Variants in GRID1 observed in about 807,000 individuals in gnomAD.
GRID1 encodes glutamate receptor ionotropic, delta-1.
Under a neutral mutation model 98.0 loss-of-function variants are expected in GRID1, and 28 were observed. The ratio of observed to expected loss-of-function variants is 0.29; its 90% CI spans 0.21 to 0.39. The LOEUF (loss-of-function observed/expected upper bound fraction) is 0.39. Ranked by LOEUF, GRID1 falls within the 10% of genes least tolerant of loss-of-function variation. GRID1 has a pLI of 1.00. For missense variants in GRID1, 1,111 were observed against 1,340.5 expected, an observed-to-expected ratio of 0.83 and a Z score of 2.67; for synonymous variants, 553 against 538.5, an observed-to-expected ratio of 1.03 and a Z score of -0.37.
rs937166042 is a variant in GRID1 at position 85,754,420 on chromosome 10, T to A, written c.1234-24806A>T. On this transcript the variant is annotated intron_variant, in intron 8 of 15. Transcript: ENST00000327946. The stretch of plus-strand genomic sequence containing the variant: ...GAATAAAAGAAAGTAATTAAAATCA[T>A]GAGTTACATATGAGAAAAAGGTTTG... 2.0e-5 allele frequency among the ~76,000 whole-genome samples: 3 copies of A among 152,124 alleles called. No homozygotes were observed. In the East Asian group the frequency reaches 5.8e-4, roughly 29 times the overall value.
rs781204118 is a variant in GRID1, at chr10:85,971,377, C to A, written c.727-55138G>T. 2.0e-5 allele frequency among the ~76,000 whole-genome samples: 3 copies of A among 151,900 alleles called. No individual in the cohort carries two copies. In the East Asian group the frequency reaches 5.8e-4, roughly 29 times the overall value. ...AATAACTGTTGCTCACCAAAAGACA[C>A]CAAATTTAGATAGTGAAAAAGATGA... On this transcript the variant is annotated intron_variant, in intron 4 of 15. Coordinates refer to ENST00000327946, the MANE Select transcript of GRID1 (RefSeq NM_017551.3).
At chr10:86,063,313 C>T (rs1158011164) in intron 4 of GRID1, among the ~76,000 whole-genome samples, 1 of 152,168 alleles carries the variant, frequency 6.6e-6, no homozygotes, top group African/African-American at 2.4e-5. Flanking sequence ...GAGAAACATA[C>T]GCCAGCCGCT....
intron 8 of GRID1, among the ~76,000 whole-genome samples, chr10:85,777,492 G>A (rs1209885033): frequency 2.0e-5 from 3 of 152,212 alleles, no homozygotes; most frequent in Non-Finnish European, 4.4e-5. Context: ...CCTGGGCACT[G>A]GGATTTTTAA....
intron 2 of GRID1, among the ~76,000 whole-genome samples, chr10:86,264,029 C>CA (rs1379573823): frequency 6.6e-6 from 1 of 152,206 alleles, no homozygotes; most frequent in Non-Finnish European, 1.5e-5. Flanking sequence ...CCAGGCTGCC[C>CA]ACCTGCCGGG....
intron 4 of GRID1, among the ~76,000 whole-genome samples, chr10:86,062,127 T>A (rs1843657431): frequency 6.6e-6 from 1 of 152,176 alleles, no homozygotes; most frequent in African/African-American, 2.4e-5. Flanking sequence ...AACATTCTGG[T>A]TAAATGAGGG....
rs181585019 is a variant in GRID1 at position 86,046,741 on chromosome 10, C to T, written c.726+92078G>A. On this transcript the variant is annotated intron_variant, in intron 4 of 15. Transcript: ENST00000327946. ...CTATCAAAAAAGGAAATACCAGTTGCTCATCTCTGGACAATTATCCCTACA... is the reference window on the plus strand; with the variant it reads ...CTATCAAAAAAGGAAATACCAGTTGTTCATCTCTGGACAATTATCCCTACA... Among the ~76,000 whole-genome samples the T allele has an allele frequency of 3.1e-3, 470 of 152,072 alleles. 2 individuals are homozygous for T. The highest frequency in any genetic ancestry group is 5.1e-3 in the Non-Finnish European group (346 of 68,000).
intron 4 of GRID1, among the ~76,000 whole-genome samples, chr10:85,999,923 A>C (rs914708009): frequency 6.6e-6 from 1 of 152,236 alleles, no homozygotes; most frequent in African/African-American, 2.4e-5. Flanking sequence ...AAAGGTAAAG[A>C]TGTTCACACT....
At chr10:85,646,998 C>A in intron 13 of GRID1, 1 of 606,654 alleles carries the variant, frequency 1.6e-6, no homozygotes, top group South Asian at 1.9e-5. Context: ...CCAGCCAGCA[C>A]CACTCTACAA....
rs553316652 is a variant in GRID1 at position 86,346,034 on chromosome 10, C to T, written c.235+17907G>A. Among the ~76,000 whole-genome samples the T allele has an allele frequency of 5.3e-5, 8 of 152,362 alleles. 1 individual carries two copies. The highest frequency in any genetic ancestry group is 1.2e-4 in the African/African-American group (5 of 41,586). On this transcript the variant is annotated intron_variant, in intron 2 of 15. Coordinates refer to ENST00000327946, the MANE Select transcript of GRID1 (RefSeq NM_017551.3). ...AACCCCAAGCCCAGGCTAGGTTAGG[C>T]ACCACCCCTGTGCTCCCACACCCCT...
intron 8 of GRID1, among the ~76,000 whole-genome samples, chr10:85,820,852 A>T (rs1407182494): frequency 6.6e-6 from 1 of 152,210 alleles, no homozygotes; most frequent in East Asian, 1.9e-4. Flanking sequence ...GGAAAACAGC[A>T]TGGACGTTTC....
At chr10:86,087,122 T>C (rs1035635060) in intron 4 of GRID1, among the ~76,000 whole-genome samples, 2 of 152,220 alleles carry the variant, frequency 1.3e-5, no homozygotes, top group African/African-American at 4.8e-5. Context: ...AATACAAGCT[T>C]CTGATTCCTT....
chr10:86,029,014 C>T (rs1357602946), intron 4 of GRID1, among the ~76,000 whole-genome samples: 1 of 152,178 alleles, frequency 6.6e-6, no homozygotes, highest in East Asian at 1.9e-4. Context: ...CCCTCTAATG[C>T]TATACTATGG....
At chr10:86,145,547 T>TACACACACACACATACACAC (rs1845076581) in intron 3 of GRID1, among the ~76,000 whole-genome samples, 1 of 145,632 alleles carries the variant, frequency 6.9e-6, no homozygotes, top group African/African-American at 2.6e-5. Context: ...ATCCTCCACA[T>TACACACACACACATACACAC]ACACACACAC....
chr10:86,042,585 C>A (rs367738133), intron 4 of GRID1, among the ~76,000 whole-genome samples: 3 of 152,152 alleles, frequency 2.0e-5, no homozygotes, highest in African/African-American at 7.2e-5. Flanking sequence ...TTGTAACACC[C>A]AAACTGTAGG....
intron 7 of GRID1, 83 bp from the exon 8 acceptor site, chr10:85,854,698 G>C: frequency 7.0e-7 from 1 of 1,428,794 alleles, no homozygotes; most frequent in Non-Finnish European, 9.8e-7. Flanking sequence ...GCAAGGAAGT[G>C]GTCACCAAGA....
At chr10:85,770,616 AGAGAAGT>A (rs964772929) in intron 8 of GRID1, among the ~76,000 whole-genome samples, 18 of 152,216 alleles carry the variant, frequency 1.2e-4, no homozygotes, top group African/African-American at 4.1e-4. Flanking sequence ...TAACCAATAC[AGAGAAGT>A]GCTTAAAGGA....
intron 12 of GRID1, among the ~76,000 whole-genome samples, chr10:85,681,630 C>G (rs7914866): frequency 6.6e-6 from 1 of 152,054 alleles, no homozygotes; most frequent in African/African-American, 2.4e-5. Context: ...AATCTTGCAC[C>G]TTCTTCACAG....
At chr10:86,157,951 A>C (rs1845269110) in intron 3 of GRID1, among the ~76,000 whole-genome samples, 1 of 152,184 alleles carries the variant, frequency 6.6e-6, no homozygotes, top group African/African-American at 2.4e-5. Context: ...CCCTGAAAGG[A>C]TGTTGAGCCC....
At chr10:85,689,867 A>G (rs1841313211) in intron 12 of GRID1, among the ~76,000 whole-genome samples, 1 of 152,234 alleles carries the variant, frequency 6.6e-6, no homozygotes, top group Non-Finnish European at 1.5e-5. Context: ...GTAGAGAACC[A>G]GAAATGAAAC....
Sources: allele counts gnomAD v4.1 joint callset (sites outside exome capture counted in the v4.1 genomes callset), GRCh38; gene constraint gnomAD v4.1.1; transcripts MANE v1.5; gene names NCBI Gene and HGNC (gene_info 2026-07-23, HGNC 2026-07-21).